The following TMEM107 variants were observed in gnomAD, a reference collection of about 807,000 sequenced individuals.
The protein encoded by TMEM107 is transmembrane protein 107.
A neutral mutation model predicts 16.8 loss-of-function variants in TMEM107; 18 were observed. The observed-to-expected ratio is 1.07, with a 90% CI of 0.74 to 1.59. The LOEUF is 1.59. TMEM107 is among the 40% of genes most tolerant of loss of function. TMEM107 has a pLI of 0.00. For missense variants in TMEM107, 152 were observed against 175.4 expected (o/e 0.87, Z 0.75); for synonymous variants, 68 against 71.6 (o/e 0.95, Z 0.25).
In TMEM107 at chr17:8,173,407, A is replaced by C. The variant is rs758464380; in HGVS notation, c.*796T>G. On this transcript the variant is annotated 3_prime_UTR_variant, in exon 5 of 5. Transcript: ENST00000437139. Reference sequence around the variant, plus strand: ...CAGAACTTCATAGCTATGTTTGTGGATATCTGCTAATCAGCATAACACAAA... The same window carrying C: ...CAGAACTTCATAGCTATGTTTGTGGCTATCTGCTAATCAGCATAACACAAA... 2 of 730,720 alleles carry C rather than the reference A, an allele frequency of 2.7e-6. No individual in the cohort carries two copies. Among genetic ancestry groups the C allele is most frequent in the South Asian group, 1.4e-5 (1 of 71,004 alleles). 45.3% of individuals were successfully genotyped at this position (730,720 alleles called of 1,614,324 possible).
intron 3 of TMEM107, 85 bp downstream of exon 3, chr17:8,175,672 C>T (rs753494020): frequency 1.8e-6 from 2 of 1,097,622 alleles, no homozygotes; most frequent in African/African-American, 1.5e-5. Flanking sequence ...GGATTGGCTA[C>T]AGCAGACACT....
chr17:8,174,658 G>C (rs1019136998), intron 3 of TMEM107, 42 bp from the exon 4 acceptor site: 1 of 1,570,546 alleles, frequency 6.4e-7, no homozygotes, highest in South Asian at 1.1e-5. Context: ...TGGATCGACA[G>C]ACAGTGATGG....
In TMEM107 at chr17:8,173,397, A is replaced by G. The variant is rs73245428; in HGVS notation, c.*806T>C. ...TTATCCCAGTCAGAACTTCATAGCT[A>G]TGTTTGTGGATATCTGCTAATCAGC... On this transcript the variant is annotated 3_prime_UTR_variant, in exon 5 of 5. Transcript: ENST00000437139. 7.4e-3 allele frequency: 5,305 copies of G among 716,472 alleles called. 186 individuals are homozygous for G. The highest frequency in any genetic ancestry group is 0.074 in the African/African-American group (4,261 of 57,880). 44.4% of individuals were successfully genotyped at this position (716,472 alleles called of 1,614,324 possible).
rs1983911568 is a variant in TMEM107 at position 8,173,922 on chromosome 17, A to G, written c.*281T>C. On this transcript the variant is annotated 3_prime_UTR_variant, in exon 5 of 5. Transcript: ENST00000437139. Reference sequence around the variant, plus strand: ...CAAGTATCTTACGGTCTGCAGGACTAGAAAACAGCGTTGTTTTTTTTTTAT... The same window carrying G: ...CAAGTATCTTACGGTCTGCAGGACTGGAAAACAGCGTTGTTTTTTTTTTAT... 10 of 507,792 alleles carry G rather than the reference A, an allele frequency of 2.0e-5. No individual in the cohort carries two copies. The South Asian group carries it at 2.5e-4, about 13-fold the overall frequency. 31.5% of individuals were successfully genotyped at this position (507,792 alleles called of 1,614,324 possible).
In TMEM107 at chr17:8,173,477, T is replaced by G. The variant is rs773923180; in HGVS notation, c.*726A>C. 24 of 764,656 alleles carry G rather than the reference T, an allele frequency of 3.1e-5. No individual in the cohort carries two copies. The highest frequency in any genetic ancestry group is 8.5e-5 in the African/African-American group (5 of 59,112). The allele number at this position is 764,656 out of a possible 1,614,324, so 47.4% of individuals were successfully genotyped here. On this transcript the variant is annotated 3_prime_UTR_variant, in exon 5 of 5. Coordinates refer to ENST00000437139, the MANE Select transcript of TMEM107 (RefSeq NM_183065.4). ...GAATCAGACAGGAGCAATCAGGGTG[T>G]TGCAAGTCCTGATTACGCAGAGACG... is the stretch of plus-strand genomic sequence containing the variant.
In TMEM107 at chr17:8,173,633, T is replaced by C. The variant is rs1309141192; in HGVS notation, c.*570A>G. On this transcript the variant is annotated 3_prime_UTR_variant, in exon 5 of 5. Transcript: ENST00000437139. ...TCTGCACTCAGTGAAAAAGATTCCG[T>C]TACAAGCTAGGGTGAGTTCATAACG... The C allele has an allele frequency of 5.4e-6, 4 of 745,562 alleles. No homozygotes were observed. Among genetic ancestry groups the C allele is most frequent in the South Asian group, 4.1e-5 (3 of 72,530 alleles). 46.2% of individuals were successfully genotyped at this position (745,562 alleles called of 1,614,324 possible).
rs1567549820 is a variant in TMEM107 at position 8,173,450 on chromosome 17, A to AAGAATCAGAC, written c.*743_*752dup. ...AACACAAATGTAAGTGATCGTCAGA[A>AAGAATCAGAC]AGAATCAGACAGGAGCAATCAGGGT... On this transcript the variant is annotated 3_prime_UTR_variant, in exon 5 of 5. Transcript: ENST00000437139. 2.6e-6 allele frequency: 2 copies of AAGAATCAGAC among 762,784 alleles called. No individual in the cohort carries two copies. Among genetic ancestry groups the AAGAATCAGAC allele is most frequent in the South Asian group, 2.7e-5 (2 of 74,382 alleles). The allele number at this position is 762,784 out of a possible 1,614,324, so 47.3% of individuals were successfully genotyped here.
At position 8,173,501 on chromosome 17, in the gene TMEM107, C is replaced by G. The variant is rs750367625; in HGVS notation, c.*702G>C. The G allele has an allele frequency of 9.1e-6, 7 of 765,108 alleles. No individual in the cohort carries two copies. Among genetic ancestry groups the G allele is most frequent in the Non-Finnish European group, 1.4e-5 (6 of 418,002 alleles). The allele number at this position is 765,108 out of a possible 1,614,324, so 47.4% of individuals were successfully genotyped here. A position where few individuals can be genotyped will look rare whatever the true frequency, so the allele number is the denominator to read the frequency against. On this transcript the variant is annotated 3_prime_UTR_variant, in exon 5 of 5. Coordinates refer to ENST00000437139, the MANE Select transcript of TMEM107 (RefSeq NM_183065.4). ...GTTGCAAGTCCTGATTACGCAGAGA[C>G]GTTAATCACGTTTCATGCATCTCCA...
Position 8,174,148 on chromosome 17 carries a change from C to A in TMEM107, c.*55G>T. ...CTATGCCTTCCTTCTTCCAGGAATA[C>A]GAAGCGGCCCTTGCCCCTGTAGGCT... On this transcript the variant is annotated 3_prime_UTR_variant, in exon 5 of 5. Transcript: ENST00000437139. 6.6e-7 allele frequency: 1 copy of A among 1,518,690 alleles called. No homozygotes were observed. Among genetic ancestry groups the A allele is most frequent in the Non-Finnish European group, 9.1e-7 (1 of 1,093,880 alleles). The allele number at this position is 1,518,690 out of a possible 1,614,324, so 94.1% of individuals were successfully genotyped here.
At position 8,173,910 on chromosome 17, in the gene TMEM107, G is replaced by A; in HGVS notation, c.*293C>T. On this transcript the variant is annotated 3_prime_UTR_variant, in exon 5 of 5. Coordinates refer to ENST00000437139, the MANE Select transcript of TMEM107 (RefSeq NM_183065.4). ...TAGAAGCGATACCAAGTATCTTACGGTCTGCAGGACTAGAAAACAGCGTTG... is the reference window on the plus strand; with the variant it reads ...TAGAAGCGATACCAAGTATCTTACGATCTGCAGGACTAGAAAACAGCGTTG... 2.0e-6 allele frequency: 1 copy of A among 500,184 alleles called. No homozygotes were observed. The highest frequency in any genetic ancestry group is 3.6e-6 in the Non-Finnish European group (1 of 281,610). 31.0% of individuals were successfully genotyped at this position (500,184 alleles called of 1,614,324 possible). A position where few individuals can be genotyped will look rare whatever the true frequency, so the allele number is the denominator to read the frequency against.
Position 8,175,887 on chromosome 17 carries a change from C to T in TMEM107, c.156-30G>A, listed in dbSNP as rs762337657. On this transcript the variant is annotated intron_variant, in intron 2 of 4. Transcript: ENST00000437139. ...AGAGAGGAAGTGGACTGGCCCAGGC[C>T]TTTGGACTTATTCTAAGACCCCTCC... The T allele has an allele frequency of 6.2e-7, 1 of 1,614,170 alleles. No individual in the cohort carries two copies. Among genetic ancestry groups the T allele is most frequent in the South Asian group, 1.1e-5 (1 of 91,082 alleles).
At position 8,173,402 on chromosome 17, in the gene TMEM107, T is replaced by C. The variant is rs201709130; in HGVS notation, c.*801A>G. On this transcript the variant is annotated 3_prime_UTR_variant, in exon 5 of 5. Coordinates refer to ENST00000437139, the MANE Select transcript of TMEM107 (RefSeq NM_183065.4). Reference sequence around the variant, plus strand: ...CCAGTCAGAACTTCATAGCTATGTTTGTGGATATCTGCTAATCAGCATAAC... The same window carrying C: ...CCAGTCAGAACTTCATAGCTATGTTCGTGGATATCTGCTAATCAGCATAAC... 4.4e-4 allele frequency: 321 copies of C among 723,864 alleles called. No homozygotes were observed. Among genetic ancestry groups the C allele is most frequent in the African/African-American group, 6.7e-4 (39 of 58,128 alleles). The allele number at this position is 723,864 out of a possible 1,614,324, so 44.8% of individuals were successfully genotyped here.
intron 1 of TMEM107, 23 bp downstream of exon 1, chr17:8,176,177 T>C (rs1984123300): frequency 4.3e-6 from 7 of 1,610,902 alleles, no homozygotes; most frequent in South Asian, 3.3e-5. Flanking sequence ...TGGGGACGGA[T>C]TGAGTGCAGC....
chr17:8,173,479 G>C lies in TMEM107; in HGVS notation c.*724C>G, dbSNP rs200655899. The C allele has an allele frequency of 3.0e-5, 23 of 764,740 alleles. No individual in the cohort carries two copies. Among genetic ancestry groups the C allele is most frequent in the Admixed American group, 8.5e-5 (5 of 58,980 alleles). 47.4% of individuals were successfully genotyped at this position (764,740 alleles called of 1,614,324 possible). A position where few individuals can be genotyped will look rare whatever the true frequency, so the allele number is the denominator to read the frequency against. Reference sequence around the variant, plus strand: ...ATCAGACAGGAGCAATCAGGGTGTTGCAAGTCCTGATTACGCAGAGACGTT... The same window carrying C: ...ATCAGACAGGAGCAATCAGGGTGTTCCAAGTCCTGATTACGCAGAGACGTT... On this transcript the variant is annotated 3_prime_UTR_variant, in exon 5 of 5. Transcript: ENST00000437139.
In TMEM107 at chr17:8,172,809, C is replaced by T. The variant is rs1427510492; in HGVS notation, c.*1394G>A. Among the ~76,000 whole-genome samples the T allele has an allele frequency of 1.4e-5, 2 of 145,650 alleles. No homozygotes were observed. The highest frequency in any genetic ancestry group is 2.6e-5 in the African/African-American group (1 of 38,808). On this transcript the variant is annotated 3_prime_UTR_variant, in exon 5 of 5. Coordinates refer to ENST00000437139, the MANE Select transcript of TMEM107 (RefSeq NM_183065.4). ...GAGGCTGCAGTGAGCCATGATCCCA[C>T]CACTGCACACTGCACTCTAGCCTGG... is the stretch of plus-strand genomic sequence containing the variant.
At chr17:8,174,444 G>A in intron 4 of TMEM107, 76 bp downstream of exon 4, 1 of 1,464,290 alleles carries the variant, frequency 6.8e-7, no homozygotes, top group Non-Finnish European at 9.6e-7. Context: ...TGGAGGAAAG[G>A]GCTGGGTAGG....
chr17:8,175,800 GAAACCGGCC>G lies in TMEM107; in HGVS notation c.204_212del (p.Ala69_Phe71del), dbSNP rs1266632916. On this transcript the variant is annotated inframe_deletion, in exon 3 of 5. Transcript: ENST00000437139. ...TGTTGAACATGGAGACTCCTGAGAG[GAAACCGGCC>G]AGCTCCACTGCAAAGAGGCCCAGGG... 2 of 1,614,066 alleles carry G rather than the reference GAAACCGGCC, an allele frequency of 1.2e-6. No homozygotes were observed. Among genetic ancestry groups the G allele is most frequent in the Non-Finnish European group, 1.7e-6 (2 of 1,180,040 alleles).
chr17:8,174,529 A>G lies in TMEM107; in HGVS notation c.344T>C (p.Val115Ala). ...TTGGATGCTACCACACCTGCAGAAG[A>G]CAAAAATGTACCAATACGTAGTGCA... ...WECTTYWYIFVFCSALPAVTE... is the reference protein window; with the variant it reads ...WECTTYWYIFAFCSALPAVTE... The change falls in exon 4 of 5, where the codon GTC becomes GCC. Residue 115 changes from valine (V) to alanine (A), a missense_variant. By Grantham distance (64) the Val-to-Ala change is moderately conservative (BLOSUM62 0). Coordinates refer to ENST00000437139, the MANE Select transcript of TMEM107 (RefSeq NM_183065.4). 6.2e-7 allele frequency: 1 copy of G among 1,614,156 alleles called. No individual in the cohort carries two copies. Among genetic ancestry groups the G allele is most frequent in the Non-Finnish European group, 8.5e-7 (1 of 1,180,014 alleles).
At chr17:8,175,554 G>A (rs1016695027) in intron 3 of TMEM107, 3 of 665,220 alleles carry the variant, frequency 4.5e-6, no homozygotes, top group Admixed American at 2.1e-5. Flanking sequence ...GATTACAGAC[G>A]TGAGCCAACA....
Sources: allele counts gnomAD v4.1 joint callset (sites outside exome capture counted in the v4.1 genomes callset), GRCh38; gene constraint gnomAD v4.1.1; transcripts MANE v1.5; gene names NCBI Gene and HGNC (gene_info 2026-07-23, HGNC 2026-07-21).